IQCJ: variants seen among roughly 807,000 people sequenced by gnomAD.
The protein encoded by IQCJ is IQ motif containing J.
In IQCJ, 9 loss-of-function variants were observed where a neutral mutation model predicts 11.0. The ratio of observed to expected loss-of-function variants is 0.82; its 90% CI spans 0.49 to 1.43. IQCJ has a LOEUF of 1.43. Ranked by LOEUF, IQCJ falls within the 40% of genes most tolerant of loss-of-function variation. The pLI, the probability that IQCJ is intolerant of heterozygous loss-of-function variation, is 0.00. For missense variants in IQCJ, 146 were observed against 133.2 expected, an observed-to-expected ratio of 1.10 and a Z score of -0.47; for synonymous variants, 55 against 51.3, an observed-to-expected ratio of 1.07 and a Z score of -0.31.
intron 1 of IQCJ, among the ~76,000 whole-genome samples, chr3:159,205,046 A>C (rs563432818): frequency 4.7e-4 from 72 of 152,258 alleles, no homozygotes; most frequent in African/African-American, 1.7e-3. Context: ...AGCAGCAAGT[A>C]GTTCTGCACC....
chr3:159,198,742 T>G (rs1724142434), intron 1 of IQCJ, among the ~76,000 whole-genome samples: 1 of 152,152 alleles, frequency 6.6e-6, no homozygotes, highest in Non-Finnish European at 1.5e-5. Flanking sequence ...GGTATGAGAT[T>G]CAAAATGGAA....
chr3:159,256,606 C>T (rs1322491981), intron 3 of IQCJ, among the ~76,000 whole-genome samples: 1 of 152,160 alleles, frequency 6.6e-6, no homozygotes, highest in Non-Finnish European at 1.5e-5. Flanking sequence ...CTCTCTGGGC[C>T]TCAGTTGCAC....
At chr3:159,166,587 G>A (rs12635160) in intron 1 of IQCJ, among the ~76,000 whole-genome samples, 1 of 152,108 alleles carries the variant, frequency 6.6e-6, no homozygotes, top group Non-Finnish European at 1.5e-5. Context: ...TAATATAAAA[G>A]AACTAGCTCA....
chr3:159,178,809 G>A (rs1197059138), intron 1 of IQCJ, among the ~76,000 whole-genome samples: 1 of 152,092 alleles, frequency 6.6e-6, no homozygotes, highest in African/African-American at 2.4e-5. Flanking sequence ...GAGGTCCAGA[G>A]GGGTCATAAG....
At chr3:159,168,256 G>A (rs1317885278) in intron 1 of IQCJ, among the ~76,000 whole-genome samples, 2 of 152,174 alleles carry the variant, frequency 1.3e-5, no homozygotes, top group Non-Finnish European at 2.9e-5. Context: ...AAAAGGACTA[G>A]GCTGGGGATG....
Position 159,262,698 on chromosome 3 carries a change from T to G in IQCJ, c.306T>G (p.Phe102Leu). ...SDSSTPVSVM[F>L]LFLCPDLTFN ...GCAGCACACCCGTGAGTGTCATGTTTCTTTTTCTATGTCCTGACTTGACAT... is the reference window on the plus strand; with the variant it reads ...GCAGCACACCCGTGAGTGTCATGTTGCTTTTTCTATGTCCTGACTTGACAT... The change falls in exon 4 of 4, where the codon TTT becomes TTG. Residue 102 changes from phenylalanine (F) to leucine (L), a missense_variant. Transcript: ENST00000397832. 3.7e-6 allele frequency: 6 copies of G among 1,613,876 alleles called. No individual in the cohort carries two copies. Among genetic ancestry groups the G allele is most frequent in the Non-Finnish European group, 5.1e-6 (6 of 1,179,810 alleles).
chr3:159,253,679 A>G (rs1308780453), intron 3 of IQCJ, among the ~76,000 whole-genome samples: 1 of 152,008 alleles, frequency 6.6e-6, no homozygotes, highest in Non-Finnish European at 1.5e-5. Context: ...GAGAATTTAA[A>G]CGAGAATGTT....
intron 1 of IQCJ, among the ~76,000 whole-genome samples, chr3:159,238,558 A>G (rs1726726428): frequency 6.6e-6 from 1 of 152,250 alleles, no homozygotes. Context: ...AAAGTGAGTA[A>G]GTTACCATCC....
Position 159,173,065 on chromosome 3 carries a change from C to T in IQCJ, c.10-72778C>T, listed in dbSNP as rs181184305. 1.2e-3 allele frequency among the ~76,000 whole-genome samples: 183 copies of T among 152,214 alleles called. 1 individual carries two copies. The highest frequency in any genetic ancestry group is 4.1e-3 in the African/African-American group (172 of 41,534). On this transcript the variant is annotated intron_variant, in intron 1 of 3. Coordinates refer to ENST00000397832, the MANE Select transcript of IQCJ (RefSeq NM_001042706.3). Reference sequence around the variant, plus strand: ...TAAAATAGATCTAAGACTTAGATGGCCTGGGGCAATCTTACTTTCCAGACC... The same window carrying T: ...TAAAATAGATCTAAGACTTAGATGGTCTGGGGCAATCTTACTTTCCAGACC...
At chr3:159,252,567 G>C (rs1204491910) in intron 2 of IQCJ, among the ~76,000 whole-genome samples, 160 bp from the exon 3 acceptor site, 1 of 151,862 alleles carries the variant, frequency 6.6e-6, no homozygotes, top group Non-Finnish European at 1.5e-5. Context: ...TCATGATATG[G>C]TTACTCATCC....
At chr3:159,169,982 T>A (rs1305862297) in intron 1 of IQCJ, among the ~76,000 whole-genome samples, 1 of 152,196 alleles carries the variant, frequency 6.6e-6, no homozygotes, top group Non-Finnish European at 1.5e-5. Flanking sequence ...AGAACTGACC[T>A]TTTGTATGTA....
chr3:159,258,031 A>C (rs1181144870), intron 3 of IQCJ, among the ~76,000 whole-genome samples: 1 of 152,206 alleles, frequency 6.6e-6, no homozygotes, highest in Non-Finnish European at 1.5e-5. Flanking sequence ...ATATTGAATC[A>C]CATAACAGAA....
At chr3:159,150,157 C>A (rs981021271) in intron 1 of IQCJ, among the ~76,000 whole-genome samples, 11 of 152,154 alleles carry the variant, frequency 7.2e-5, no homozygotes, top group African/African-American at 2.7e-4. Context: ...CAACCCAGAA[C>A]AGGGATTTGA....
At chr3:159,176,840 C>T (rs1404698749) in intron 1 of IQCJ, among the ~76,000 whole-genome samples, 2 of 152,126 alleles carry the variant, frequency 1.3e-5, no homozygotes, top group African/African-American at 4.8e-5. Context: ...CAGGGAAGTT[C>T]TAGAGAAAAG....
chr3:159,120,681 T>G (rs1434761359), intron 1 of IQCJ, among the ~76,000 whole-genome samples: 1 of 152,192 alleles, frequency 6.6e-6, no homozygotes, highest in Non-Finnish European at 1.5e-5. Flanking sequence ...ATGTGGCATT[T>G]AGAGAGGTGG....
chr3:159,142,951 G>T (rs1322703697), intron 1 of IQCJ, among the ~76,000 whole-genome samples: 1 of 152,084 alleles, frequency 6.6e-6, no homozygotes, highest in Non-Finnish European at 1.5e-5. Context: ...ATTAGGTCTT[G>T]ATAATTTAAA....
chr3:159,224,068 TAA>T (rs201823582), intron 1 of IQCJ, among the ~76,000 whole-genome samples: 7 of 134,118 alleles, frequency 5.2e-5, no homozygotes, highest in Admixed American at 7.5e-5. Context: ...CATTTCCCAC[TAA>T]AAAAAAAAAA....
chr3:159,088,694 G>T (rs1191004420), intron 1 of IQCJ, among the ~76,000 whole-genome samples: 17 of 152,092 alleles, frequency 1.1e-4, no homozygotes, highest in Admixed American at 2.6e-4. Flanking sequence ...TGTCTCTTTT[G>T]ATCTTTGTTG....
chr3:159,251,076 C>T (rs147977085), intron 2 of IQCJ, among the ~76,000 whole-genome samples: 2 of 152,212 alleles, frequency 1.3e-5, no homozygotes, highest in African/African-American at 4.8e-5. Context: ...ACAGAGTAAA[C>T]AAGAGTGCTT....
Sources: gnomAD v4.1 joint callset for allele counts (sites outside exome capture counted in the v4.1 genomes callset) on GRCh38, gnomAD v4.1.1 for gene constraint, MANE v1.5 for transcripts, NCBI Gene and HGNC (gene_info 2026-07-23, HGNC 2026-07-21) for gene names.